The following ATAD3B variants were observed in gnomAD, a reference collection of about 807,000 sequenced individuals.
The protein encoded by ATAD3B is ATPase family AAA domain containing 3B.
A neutral mutation model predicts 70.2 loss-of-function variants in ATAD3B; 59 were observed. The observed-to-expected ratio is 0.84, with a 90% CI of 0.68 to 1.04. ATAD3B has a LOEUF of 1.04. Among genes scored for constraint, ATAD3B ranks in the 50% least tolerant of loss-of-function variants. The pLI is 0.00. For missense variants in ATAD3B, 961 were observed against 913.4 expected (o/e 1.05, Z -0.67); for synonymous variants, 423 against 388.6 (o/e 1.09, Z -1.04).
chr1:1,477,775 G>T (rs1639670946), intron 2 of ATAD3B, among the ~76,000 whole-genome samples: 1 of 151,120 alleles, frequency 6.6e-6, no homozygotes, highest in Non-Finnish European at 1.5e-5. Flanking sequence ...GCGCAATCTC[G>T]GCTCACTGCA....
At chr1:1,508,700 T>C in the ATAD3B span, among the ~76,000 whole-genome samples, 3 of 151,336 alleles carry the variant, frequency 2.0e-5, no homozygotes, top group African/African-American at 2.5e-5. Flanking sequence ...CTTCACATGC[T>C]AGATGCCAAG....
At chr1:1,498,032 G>A (rs539172341), downstream of ATAD3B, among the ~76,000 whole-genome samples, 4 of 151,462 alleles carry the variant, frequency 2.6e-5, no homozygotes, top group South Asian at 6.3e-4. Flanking sequence ...TCCAGGTGCC[G>A]TGGCTCACTC....
chr1:1,502,013 G>A (rs571004979), downstream of ATAD3B, among the ~76,000 whole-genome samples: 306 of 152,014 alleles, frequency 2.0e-3, 1 homozygote, highest in African/African-American at 7.0e-3. Flanking sequence ...CGTGTAGCTA[G>A]GATTACAGGC....
intron 11 of ATAD3B, among the ~76,000 whole-genome samples, chr1:1,487,112 C>A (rs1640260452): frequency 6.6e-6 from 1 of 152,100 alleles, no homozygotes; most frequent in African/African-American, 2.4e-5. Flanking sequence ...GCCCGGGCAC[C>A]CTTGTGGCCT....
Position 1,490,198 on chromosome 1 carries a change from G to A in ATAD3B, c.1338-59G>A, listed in dbSNP as rs557488901. 3.7e-5 allele frequency: 59 copies of A among 1,584,676 alleles called. 2 individuals are homozygous for A. In the Admixed American group the frequency reaches 4.2e-4, roughly 11 times the overall value. On this transcript the variant is annotated intron_variant, in intron 13 of 15. Coordinates refer to ENST00000673477, the MANE Select transcript of ATAD3B (RefSeq NM_031921.6). Reference sequence around the variant, plus strand: ...CCGAGGGGGCTGAGGAGCCCCCGTTGCCCTCGGGGCATCTCAGCTGGCAGC... The same window carrying A: ...CCGAGGGGGCTGAGGAGCCCCCGTTACCCTCGGGGCATCTCAGCTGGCAGC...
At chr1:1,477,855 G>C (rs75717217) in intron 2 of ATAD3B, among the ~76,000 whole-genome samples, 21,596 of 147,764 alleles carry the variant, frequency 0.15, 4,122 homozygotes, top group East Asian at 0.43. Context: ...ACAGGCACGC[G>C]CCACCACGCC....
At chr1:1,506,795 T>C in the ATAD3B span, among the ~76,000 whole-genome samples, 3 of 148,716 alleles carry the variant, frequency 2.0e-5, no homozygotes, top group Non-Finnish European at 1.5e-5. Flanking sequence ...TTCTTTTTTT[T>C]TTTTTTTTTT....
the ATAD3B span, among the ~76,000 whole-genome samples, chr1:1,506,332 T>A: frequency 1.3e-5 from 2 of 152,022 alleles, no homozygotes; most frequent in African/African-American, 4.8e-5. Flanking sequence ...TTGTAAAAAA[T>A]AATTCGGGTT....
At chr1:1,504,666 AAGAG>A in the ATAD3B span, among the ~76,000 whole-genome samples, 18,385 of 151,368 alleles carry the variant, frequency 0.12, 2,640 homozygotes, top group East Asian at 0.34. Flanking sequence ...CAAAAAAAAA[AAGAG>A]AGAACAGGAG....
chr1:1,486,033 G>A, intron 9 of ATAD3B, 77 bp from the exon 10 acceptor site: 1 of 1,607,264 alleles, frequency 6.2e-7, no homozygotes, highest in Non-Finnish European at 8.5e-7. Context: ...TCCGCACCCG[G>A]GCATTCCCGC....
rs1486558325 is a variant in ATAD3B at position 1,490,369 on chromosome 1, C to A, written c.1450C>A (p.Leu484Met). The A allele has an allele frequency of 6.2e-7, 1 of 1,613,484 alleles. No individual in the cohort carries two copies. The highest frequency in any genetic ancestry group is 1.3e-5 in the African/African-American group (1 of 75,060). The change falls in exon 14 of 16, where the codon CTG (leucine) becomes ATG (methionine). Residue 484 changes from leucine (L) to methionine (M), a missense_variant. Around this residue, in one of 4 missense-constraint regions of ATAD3B, gnomAD observed 417 missense variants for 335.0 expected, o/e 1.24. Transcript: ENST00000673477. The part of the protein sequence containing the change: ...DLPQQEERER[L>M]VRLHFDNCVL... ...GCCGCAGCAGGAGGAGCGGGAGCGC[C>A]TGGTGAGACTGCATTTTGACAACTG... is the stretch of plus-strand genomic sequence containing the variant.
intron 2 of ATAD3B, chr1:1,478,434 G>A: frequency 6.6e-7 from 1 of 1,524,702 alleles, no homozygotes; most frequent in Admixed American, 2.0e-5. Context: ...GGCCTTCGCA[G>A]GCTTCTCTGC....
At chr1:1,504,899 G>A in the ATAD3B span, among the ~76,000 whole-genome samples, 20 of 152,078 alleles carry the variant, frequency 1.3e-4, no homozygotes, top group African/African-American at 4.1e-4. Flanking sequence ...AAGCCACCGC[G>A]CCCAGTGCCA....
chr1:1,474,849 A>ATC, intron 1 of ATAD3B, among the ~76,000 whole-genome samples: 1 of 151,390 alleles, frequency 6.6e-6, no homozygotes, highest in Non-Finnish European at 1.5e-5. Context: ...CAAGGGCTGG[A>ATC]CTTCAGGGCA....
At chr1:1,501,347 C>T (rs534112949), downstream of ATAD3B, among the ~76,000 whole-genome samples, 2 of 151,944 alleles carry the variant, frequency 1.3e-5, no homozygotes, top group South Asian at 2.1e-4. Context: ...CTCTGCCTCC[C>T]GGGTTCACGC....
At chr1:1,507,604 T>C in the ATAD3B span, among the ~76,000 whole-genome samples, 3 of 152,312 alleles carry the variant, frequency 2.0e-5, no homozygotes, top group Non-Finnish European at 4.4e-5. Context: ...TGGCATTTTG[T>C]TGAGGACTTT....
rs569686866 is a variant in ATAD3B at position 1,477,102 on chromosome 1, G to A, written c.206-172G>A. ...CTGGGTGACTGTAGCCTCTGCCTCC[G>A]GGGTTCAAGCCATCCTCCCACCTGA... is the stretch of plus-strand genomic sequence containing the variant. On this transcript the variant is annotated intron_variant, in intron 1 of 15. Transcript: ENST00000673477. Among the ~76,000 whole-genome samples, 8 of 151,692 alleles carry A rather than the reference G, an allele frequency of 5.3e-5. No homozygotes were observed. The South Asian group carries it at 8.4e-4, about 16-fold the overall frequency.
At chr1:1,504,174 G>A in the ATAD3B span, among the ~76,000 whole-genome samples, 1 of 151,580 alleles carries the variant, frequency 6.6e-6, no homozygotes. Flanking sequence ...TTTTAGTAGA[G>A]ACGGGTTCAC....
chr1:1,494,625 C>T (rs1640690359), intron 15 of ATAD3B, among the ~76,000 whole-genome samples: 1 of 151,942 alleles, frequency 6.6e-6, no homozygotes, highest in African/African-American at 2.4e-5. Context: ...CGTGGTCATC[C>T]CCATGACAGG....
Sources: gnomAD v4.1 joint callset for allele counts (sites outside exome capture counted in the v4.1 genomes callset) on GRCh38, gnomAD v4.1.1 for gene constraint, gnomAD v4.1.1 regional missense constraint, MANE v1.5 for transcripts, NCBI Gene and HGNC (gene_info 2026-07-23, HGNC 2026-07-21) for gene names.